Variants in MEIS2 observed in about 807,000 individuals in gnomAD.
The protein encoded by MEIS2 is homeobox protein Meis2.
A neutral mutation model predicts 58.6 loss-of-function variants in MEIS2; 9 were observed. That is an observed-to-expected ratio of 0.15 (90% confidence interval 0.09 to 0.27). The LOEUF (loss-of-function observed/expected upper bound fraction) is 0.27, where lower values mean the gene tolerates loss of function less well. Among genes scored for constraint, MEIS2 ranks in the 10% least tolerant of loss-of-function variants. MEIS2 has a pLI of 1.00. For missense variants in MEIS2, 427 were observed against 635.0 expected (o/e 0.67, Z 3.52); for synonymous variants, 221 against 228.4 (o/e 0.97, Z 0.29).
chr15:36,970,595 T>C (rs2059518014), intron 8 of MEIS2, among the ~76,000 whole-genome samples: 1 of 152,172 alleles, frequency 6.6e-6, no homozygotes, highest in South Asian at 2.1e-4. Flanking sequence ...GTGTCCACAT[T>C]ACTGTCTCCA....
chr15:37,002,859 T>C (rs2060783323), intron 8 of MEIS2, among the ~76,000 whole-genome samples: 1 of 152,222 alleles, frequency 6.6e-6, no homozygotes, highest in South Asian at 2.1e-4. Context: ...CTTTTTATTT[T>C]ATTTGCTTTC....
chr15:37,094,780 T>A (rs1893991541), intron 4 of MEIS2, among the ~76,000 whole-genome samples: 1 of 151,718 alleles, frequency 6.6e-6, no homozygotes. Flanking sequence ...GGCCACGGGG[T>A]AGGAATCTGA....
At chr15:37,069,043 C>T (rs1359023665) in intron 7 of MEIS2, among the ~76,000 whole-genome samples, 5 of 152,136 alleles carry the variant, frequency 3.3e-5, no homozygotes, top group East Asian at 1.9e-4. Context: ...TGTAATTTTA[C>T]GTTAGCCAGG....
intron 6 of MEIS2, among the ~76,000 whole-genome samples, chr15:37,092,388 C>T (rs1893632014): frequency 6.6e-6 from 1 of 152,118 alleles, no homozygotes; most frequent in South Asian, 2.1e-4. Context: ...ATTTCTCATA[C>T]CAGTCAGGAA....
At chr15:36,932,924 T>C (rs1325756781) in intron 9 of MEIS2, among the ~76,000 whole-genome samples, 1 of 152,198 alleles carries the variant, frequency 6.6e-6, no homozygotes, top group African/African-American at 2.4e-5. Flanking sequence ...AAAAATTTGC[T>C]CTTCCAAAGA....
chr15:37,010,948 A>C (rs773055370), intron 8 of MEIS2, among the ~76,000 whole-genome samples: 1 of 152,204 alleles, frequency 6.6e-6, no homozygotes, highest in African/African-American at 2.4e-5. Context: ...CATTCTTATC[A>C]TATCTCCTTT....
intron 7 of MEIS2, among the ~76,000 whole-genome samples, chr15:37,054,756 C>T (rs1226506011): frequency 6.6e-6 from 1 of 152,126 alleles, no homozygotes; most frequent in East Asian, 1.9e-4. Flanking sequence ...TAGAAAGAAG[C>T]CTGTTTGTGA....
intron 9 of MEIS2, among the ~76,000 whole-genome samples, chr15:36,925,916 C>A (rs2057728904): frequency 6.6e-6 from 1 of 152,198 alleles, no homozygotes; most frequent in Non-Finnish European, 1.5e-5. Flanking sequence ...TGCTATTCTG[C>A]TCACAGATTG....
intron 8 of MEIS2, among the ~76,000 whole-genome samples, chr15:36,966,620 T>C (rs2059367448): frequency 6.6e-6 from 1 of 152,174 alleles, no homozygotes; most frequent in African/African-American, 2.4e-5. Context: ...AAGTCATGTA[T>C]TAATTGACCA....
At chr15:37,091,268 C>T (rs1893479484) in intron 6 of MEIS2, among the ~76,000 whole-genome samples, 3 of 152,106 alleles carry the variant, frequency 2.0e-5, no homozygotes, top group African/African-American at 4.8e-5. Context: ...ACAAAAGTCT[C>T]AAAAATGGTG....
chr15:37,032,401 G>T (rs1262488032), intron 8 of MEIS2, among the ~76,000 whole-genome samples: 1 of 152,132 alleles, frequency 6.6e-6, no homozygotes, highest in East Asian at 1.9e-4. Flanking sequence ...GTCAGCCTGG[G>T]TATTATTGCT....
intron 8 of MEIS2, among the ~76,000 whole-genome samples, chr15:37,007,562 G>A (rs919785471): frequency 2.0e-5 from 3 of 152,026 alleles, no homozygotes; most frequent in African/African-American, 7.3e-5. Flanking sequence ...ACTGACTCTT[G>A]GAGTCCACCA....
intron 8 of MEIS2, among the ~76,000 whole-genome samples, chr15:36,985,062 G>C (rs1197487057): frequency 1.3e-5 from 2 of 151,878 alleles, no homozygotes; most frequent in African/African-American, 4.8e-5. Flanking sequence ...TTTTTCTTCA[G>C]TTGAGAGAAT....
chr15:36,971,510 C>T (rs574154854), intron 8 of MEIS2, among the ~76,000 whole-genome samples: 1 of 111,948 alleles, frequency 8.9e-6, no homozygotes, highest in South Asian at 2.9e-4. Flanking sequence ...AAATTCAGCC[C>T]TGTATTACTT....
intron 8 of MEIS2, among the ~76,000 whole-genome samples, chr15:37,009,106 G>A (rs912245156): frequency 5.9e-5 from 9 of 152,036 alleles, no homozygotes; most frequent in Admixed American, 4.6e-4. Context: ...TGGCTAACAC[G>A]GTGAAACCCT....
chr15:37,063,856 T>C (rs1418501912), intron 7 of MEIS2, among the ~76,000 whole-genome samples: 4 of 152,176 alleles, frequency 2.6e-5, no homozygotes, highest in African/African-American at 9.7e-5. Context: ...AAAGAAGCCA[T>C]GAAAAATGAA....
intron 9 of MEIS2, among the ~76,000 whole-genome samples, chr15:36,914,982 A>C (rs1390138920): frequency 6.6e-6 from 1 of 152,196 alleles, no homozygotes; most frequent in Non-Finnish European, 1.5e-5. Context: ...GAAATAAACA[A>C]ACAAACAAAT....
chr15:37,083,694 G>T, intron 7 of MEIS2, 77 bp downstream of exon 7: 1 of 1,185,582 alleles, frequency 8.4e-7, no homozygotes, highest in Non-Finnish European at 1.2e-6. Flanking sequence ...CATGGCGGCA[G>T]ATGTACTGAT....
At chr15:36,986,564 G>T (rs1036675315) in intron 8 of MEIS2, among the ~76,000 whole-genome samples, 1 of 152,174 alleles carries the variant, frequency 6.6e-6, no homozygotes, top group African/African-American at 2.4e-5. Flanking sequence ...ACTCTCACGG[G>T]TATCACAAGT....
Sources: allele counts gnomAD v4.1 joint callset (sites outside exome capture counted in the v4.1 genomes callset), GRCh38; gene constraint gnomAD v4.1.1; transcripts MANE v1.5; gene names NCBI Gene and HGNC (gene_info 2026-07-23, HGNC 2026-07-21).